Variants in KIF9 observed in about 807,000 individuals in gnomAD.
KIF9 encodes kinesin-like protein KIF9.
Under a neutral mutation model 94.8 loss-of-function variants are expected in KIF9, and 68 were observed. The observed-to-expected ratio is 0.72, with a 90% CI of 0.59 to 0.88. KIF9 has a LOEUF of 0.88. KIF9 is among the 40% of genes least tolerant of loss of function. KIF9 has a pLI of 0.00. For missense variants in KIF9, 882 were observed against 982.5 expected (o/e 0.90, Z 1.37); for synonymous variants, 343 against 362.1 (o/e 0.95, Z 0.60).
chr3:47,275,431 T>G lies in KIF9; in HGVS notation c.153A>C (p.Thr51=), dbSNP rs761574915. The G allele has an allele frequency of 6.2e-7, 1 of 1,613,616 alleles. No individual in the cohort carries two copies. The highest frequency in any genetic ancestry group is 1.1e-5 in the South Asian group (1 of 91,008). ...CTCCATCCAACTTAAACGACCAGTCTGTCTGTTGGTTATTGACAACTCCTC... is the reference window on the plus strand; with the variant it reads ...CTCCATCCAACTTAAACGACCAGTCGGTCTGTTGGTTATTGACAACTCCTC... ...IRRGVVNNQQ[T]DWSFKLDGVL... is the part of the protein sequence containing the mutation. The change falls in exon 3 of 21, where the codon ACA becomes ACC. Residue 51 remains threonine, a synonymous_variant. Transcript: ENST00000684063.
At chr3:47,260,676 A>G (rs926540336) in intron 9 of KIF9, among the ~76,000 whole-genome samples, 12 of 152,224 alleles carry the variant, frequency 7.9e-5, no homozygotes, top group Non-Finnish European at 2.9e-5. Context: ...AGGGAGGTCA[A>G]GGCACCCACC....
At position 47,271,321 on chromosome 3, in the gene KIF9, C is replaced by T. The variant is rs1218343383; in HGVS notation, c.507G>A (p.Val169=). The T allele has an allele frequency of 6.2e-7, 1 of 1,613,776 alleles. No homozygotes were observed. The highest frequency in any genetic ancestry group is 8.5e-7 in the Non-Finnish European group (1 of 1,179,980). ...TAATGAAGACTCCTTGAGGGTTTTC[C>T]ACGATGGTCATTGGTGTGACTGAGG... The part of the protein sequence containing the change: ...VGPSVTPMTI[V]ENPQGVFIKG... The change falls in exon 5 of 21, where the codon GTG becomes GTA. Residue 169 remains valine (V), a synonymous_variant. Transcript: ENST00000684063.
chr3:47,230,378 G>A (rs894491578), intron 20 of KIF9, among the ~76,000 whole-genome samples: 4 of 151,878 alleles, frequency 2.6e-5, no homozygotes, highest in Non-Finnish European at 5.9e-5. Flanking sequence ...AGGAACTGAA[G>A]ACCAGCCTGA....
At chr3:47,256,417 C>A (rs1246065046) in intron 10 of KIF9, among the ~76,000 whole-genome samples, 2 of 151,916 alleles carry the variant, frequency 1.3e-5, no homozygotes, top group African/African-American at 2.4e-5. Context: ...GCAGCCACCC[C>A]ATCTGGGAAG....
At chr3:47,244,565 A>G in intron 15 of KIF9, 2 of 567,920 alleles carry the variant, frequency 3.5e-6, no homozygotes, top group South Asian at 4.2e-5. Flanking sequence ...GAAGACATTA[A>G]CTCCCACCTC....
intron 3 of KIF9, among the ~76,000 whole-genome samples, chr3:47,274,194 G>T (rs1006013559): frequency 6.6e-6 from 1 of 152,192 alleles, no homozygotes; most frequent in African/African-American, 2.4e-5. Context: ...GGATGAAACA[G>T]GGCTCCTAGT....
At chr3:47,278,737 C>A (rs887924755) in intron 1 of KIF9, among the ~76,000 whole-genome samples, 1 of 151,278 alleles carries the variant, frequency 6.6e-6, no homozygotes, top group African/African-American at 2.4e-5. Context: ...TTTGGGAGGC[C>A]GAGGCAGGTG....
At chr3:47,234,424 G>A (rs1698858437) in intron 20 of KIF9, among the ~76,000 whole-genome samples, 1 of 151,972 alleles carries the variant, frequency 6.6e-6, no homozygotes, top group African/African-American at 2.4e-5. Context: ...AGTAGAGACA[G>A]GGTTTCACCA....
At position 47,245,698 on chromosome 3, in the gene KIF9, A is replaced by G. The variant is rs559458147; in HGVS notation, c.1290-187T>C. 1.0e-4 allele frequency: 61 copies of G among 596,376 alleles called. 1 individual carries two copies. The South Asian group carries it at 1.2e-3, about 12-fold the overall frequency. 36.9% of individuals were successfully genotyped at this position (596,376 alleles called of 1,614,324 possible). A position where few individuals can be genotyped will look rare whatever the true frequency, so the allele number is the denominator to read the frequency against. Reference sequence around the variant, plus strand: ...TCCCCCTGCCCCATTGCATATACCCACTGTCCGACCCCCATACCCACAAGG... The same window carrying G: ...TCCCCCTGCCCCATTGCATATACCCGCTGTCCGACCCCCATACCCACAAGG... On this transcript the variant is annotated intron_variant, in intron 13 of 20. Coordinates refer to ENST00000684063, the MANE Select transcript of KIF9 (RefSeq NM_182902.4).
rs962732409 is a variant in KIF9 at position 47,228,550 on chromosome 3, T to C, written c.*102A>G. 2.1e-6 allele frequency: 2 copies of C among 948,688 alleles called. No homozygotes were observed. The highest frequency in any genetic ancestry group is 1.3e-5 in the South Asian group (1 of 76,026). 58.8% of individuals were successfully genotyped at this position (948,688 alleles called of 1,614,324 possible). ...GTGTTCTCTGTGCTGGGTCCCAGCATTGGAGTAGAGGGGGCTGCAGCTCTG... is the reference window on the plus strand; with the variant it reads ...GTGTTCTCTGTGCTGGGTCCCAGCACTGGAGTAGAGGGGGCTGCAGCTCTG... On this transcript the variant is annotated 3_prime_UTR_variant, in exon 21 of 21. Transcript: ENST00000684063.
At chr3:47,229,279 G>A (rs1316380347) in intron 20 of KIF9, among the ~76,000 whole-genome samples, 2 of 152,222 alleles carry the variant, frequency 1.3e-5, no homozygotes, top group Non-Finnish European at 2.9e-5. Context: ...TTCTTGAAGA[G>A]GGTTAAAATG....
Position 47,271,987 on chromosome 3 carries a change from G to C in KIF9, c.367-526C>G, listed in dbSNP as rs570307678. ...TTACACAAATTAGCTGGGCGTGGTG[G>C]CGTGCGCCTGTAGTCCCAGCGACTC... On this transcript the variant is annotated intron_variant, in intron 4 of 20. Transcript: ENST00000684063. Among the ~76,000 whole-genome samples the C allele has an allele frequency of 2.0e-5, 3 of 152,272 alleles. No individual in the cohort carries two copies. The South Asian group carries it at 6.2e-4, about 32-fold the overall frequency.
At chr3:47,234,350 C>T (rs940535841) in intron 20 of KIF9, among the ~76,000 whole-genome samples, 2 of 151,942 alleles carry the variant, frequency 1.3e-5, no homozygotes, top group African/African-American at 4.8e-5. Flanking sequence ...TGTCCTGCCT[C>T]AGCCTCCCGA....
At chr3:47,267,298 A>G (rs1033520692) in intron 5 of KIF9, 35 bp from the exon 6 acceptor site, 28 of 1,468,584 alleles carry the variant, frequency 1.9e-5, no homozygotes, top group Non-Finnish European at 2.6e-5. Context: ...AACATTTCGA[A>G]AAACTAAAAC....
chr3:47,229,401 C>A (rs1698386320), intron 20 of KIF9, among the ~76,000 whole-genome samples: 1 of 152,124 alleles, frequency 6.6e-6, no homozygotes, highest in Non-Finnish European at 1.5e-5. Context: ...TAAGTTCAAT[C>A]AAACACAAGG....
intron 10 of KIF9, among the ~76,000 whole-genome samples, chr3:47,249,557 T>C (rs574000721): frequency 9.2e-5 from 14 of 152,336 alleles, no homozygotes; most frequent in African/African-American, 2.9e-4. Flanking sequence ...ATGAGGCTTT[T>C]GAGATCTGCC....
intron 5 of KIF9, among the ~76,000 whole-genome samples, chr3:47,269,210 C>T (rs537327219): frequency 4.6e-5 from 7 of 152,180 alleles, no homozygotes; most frequent in African/African-American, 9.7e-5. Flanking sequence ...GGCAACACAG[C>T]GAGAACTTGC....
At chr3:47,239,861 G>A (rs886669518) in intron 17 of KIF9, 1 of 1,367,946 alleles carries the variant, frequency 7.3e-7, no homozygotes, top group Non-Finnish European at 9.8e-7. Context: ...AAGCTGGCCT[G>A]GAACAGGGTT....
chr3:47,267,149 C>G, intron 6 of KIF9, 31 bp downstream of exon 6: 3 of 1,603,014 alleles, frequency 1.9e-6, no homozygotes, highest in Non-Finnish European at 2.6e-6. Context: ...TTGACTGCCC[C>G]GCCTGGGCTG....
Sources: allele counts gnomAD v4.1 joint callset (sites outside exome capture counted in the v4.1 genomes callset), GRCh38; gene constraint gnomAD v4.1.1; transcripts MANE v1.5; gene names NCBI Gene and HGNC (gene_info 2026-07-23, HGNC 2026-07-21).